Variants in GPR161 observed in about 807,000 individuals in gnomAD.
The protein encoded by GPR161 is G protein-coupled receptor 161.
GPR161 carries 25 observed loss-of-function variants against 39.2 expected under a neutral mutation model. That is an observed-to-expected ratio of 0.64 (90% CI 0.47 to 0.89). The LOEUF (loss-of-function observed/expected upper bound fraction) is 0.89. Ranked by LOEUF, GPR161 falls within the 40% of genes least tolerant of loss-of-function variation. The pLI is 0.00. For synonymous variants in GPR161, 286 were observed against 276.6 expected (o/e 1.03, Z -0.34); for missense variants, 547 against 677.8 (o/e 0.81, Z 2.14).
At position 168,131,107 on chromosome 1, in the gene GPR161, T is replaced by G. The variant is rs576504218; in HGVS notation, c.-45+5632A>C. ...CAGACATCCAATGCATCACTAGTTCTCAGTCAAAACTTCATCCTCACTGCC... is the reference window on the plus strand; with the variant it reads ...CAGACATCCAATGCATCACTAGTTCGCAGTCAAAACTTCATCCTCACTGCC... On this transcript the variant is annotated intron_variant, in intron 1 of 5. Transcript: ENST00000682931. Among the ~76,000 whole-genome samples the G allele has an allele frequency of 3.9e-5, 6 of 152,286 alleles. No homozygotes were observed. The South Asian group carries it at 1.2e-3, about 32-fold the overall frequency.
In GPR161 at chr1:168,096,551, T is replaced by C. The variant is rs1458261785; in HGVS notation, c.1056A>G (p.Arg352=). ...TGCTGAAGAGCCTGGAAGTCCTCTG[T>C]CGTTGCACAAATGGTTCCCGATAAT... is the stretch of plus-strand genomic sequence containing the variant. The part of the protein sequence containing the change: ...DRYYREPFVQ[R]QRTSRLFSIS... The change falls in exon 3 of 6, where the codon CGA becomes CGG. Residue 352 remains arginine (R), a synonymous_variant. Coordinates refer to ENST00000682931, the MANE Select transcript of GPR161 (RefSeq NM_001375883.1). The C allele has an allele frequency of 6.2e-7, 1 of 1,614,220 alleles. No homozygotes were observed. The highest frequency in any genetic ancestry group is 2.2e-5 in the East Asian group (1 of 44,888).
At chr1:168,130,292 T>C (rs1334624191) in intron 1 of GPR161, among the ~76,000 whole-genome samples, 1 of 152,210 alleles carries the variant, frequency 6.6e-6, no homozygotes, top group African/African-American at 2.4e-5. Flanking sequence ...ACATGACCTA[T>C]GCCTCGCCAA....
chr1:168,130,457 T>C (rs1698906297), intron 1 of GPR161, among the ~76,000 whole-genome samples: 1 of 151,998 alleles, frequency 6.6e-6, no homozygotes, highest in Non-Finnish European at 1.5e-5. Context: ...TGAAGAAAGG[T>C]CAAAACCAGT....
intron 1 of GPR161, among the ~76,000 whole-genome samples, chr1:168,105,368 T>G (rs1696509757): frequency 6.6e-6 from 1 of 152,188 alleles, no homozygotes; most frequent in South Asian, 2.1e-4. Flanking sequence ...CCCTGGCTAC[T>G]CAGGGTGGGC....
At chr1:168,092,953 C>A (rs139542631) in intron 3 of GPR161, among the ~76,000 whole-genome samples, 1 of 152,226 alleles carries the variant, frequency 6.6e-6, no homozygotes, top group South Asian at 2.1e-4. Context: ...CTGGGCCACC[C>A]TCCCTGGCTG....
chr1:168,089,035 A>G (rs1572242944), intron 4 of GPR161: 1 of 152,352 alleles, frequency 6.6e-6, no homozygotes, highest in East Asian at 1.9e-4. Context: ...ACTCATTTAA[A>G]GTATACAATT....
At chr1:168,119,193 A>C (rs1697880813) in intron 1 of GPR161, among the ~76,000 whole-genome samples, 1 of 104,170 alleles carries the variant, frequency 9.6e-6, no homozygotes, top group African/African-American at 4.1e-5. Flanking sequence ...CCAAATCTCC[A>C]TCATATATAT....
rs1572247292 is a variant in GPR161, at chr1:168,090,405, C to G, written c.1204+159G>C. On this transcript the variant is annotated intron_variant, in intron 4 of 5. Coordinates refer to ENST00000682931, the MANE Select transcript of GPR161 (RefSeq NM_001375883.1). ...ACACAGGAAAGCTGAAAAGTCAAAG[C>G]CACGACTGGAAACCCAGACTTATGA... The G allele has an allele frequency of 2.3e-5, 12 of 524,052 alleles. No individual in the cohort carries two copies. In the East Asian group the frequency reaches 3.7e-4, roughly 16 times the overall value. 32.5% of individuals were successfully genotyped at this position (524,052 alleles called of 1,614,324 possible).
intron 2 of GPR161, among the ~76,000 whole-genome samples, chr1:168,102,278 C>T (rs1304003793): frequency 6.6e-6 from 1 of 152,210 alleles, no homozygotes; most frequent in Non-Finnish European, 1.5e-5. Context: ...GTTTAGGAAC[C>T]TAGCTCAAAT....
chr1:168,116,526 G>A (rs914476376), intron 1 of GPR161, among the ~76,000 whole-genome samples: 5 of 152,288 alleles, frequency 3.3e-5, no homozygotes, highest in South Asian at 2.1e-4. Context: ...CTGTAACTGA[G>A]ATAAAGAAAG....
intron 1 of GPR161, among the ~76,000 whole-genome samples, chr1:168,122,232 ACTCCTGG>A (rs1698233888): frequency 6.6e-6 from 1 of 151,726 alleles, no homozygotes; most frequent in Admixed American, 6.6e-5. Context: ...CTACGGAGTC[ACTCCTGG>A]CTCCTCATTC....
intron 3 of GPR161, among the ~76,000 whole-genome samples, chr1:168,094,079 C>T (rs900664424): frequency 6.6e-6 from 1 of 152,212 alleles, no homozygotes; most frequent in Admixed American, 6.5e-5. Flanking sequence ...ATGTGCCAAA[C>T]CAACCACAGC....
intron 1 of GPR161, among the ~76,000 whole-genome samples, chr1:168,127,925 G>A (rs1204700109): frequency 6.6e-6 from 1 of 152,176 alleles, no homozygotes; most frequent in African/African-American, 2.4e-5. Flanking sequence ...AAGTGGAAGT[G>A]TCTTTGACTC....
intron 1 of GPR161, among the ~76,000 whole-genome samples, chr1:168,118,186 G>A (rs1279477573): frequency 6.6e-6 from 1 of 152,164 alleles, no homozygotes; most frequent in African/African-American, 2.4e-5. Flanking sequence ...ACTATCAACA[G>A]AGTAAAAAGA....
chr1:168,101,249 A>G (rs1322770445), intron 2 of GPR161, among the ~76,000 whole-genome samples: 1 of 151,994 alleles, frequency 6.6e-6, no homozygotes, highest in Non-Finnish European at 1.5e-5. Flanking sequence ...ATTTAGCATT[A>G]GGTATATCTC....
At chr1:168,100,895 C>A (rs909528605) in intron 2 of GPR161, among the ~76,000 whole-genome samples, 1 of 152,182 alleles carries the variant, frequency 6.6e-6, no homozygotes, top group Non-Finnish European at 1.5e-5. Flanking sequence ...TAGAGGTGAC[C>A]ACCATTACAG....
chr1:168,136,758 C>T lies in GPR161; in HGVS notation c.-64G>A. Reference sequence around the variant, plus strand: ...GCTCACCGAGGAGCGGCCGCCGCGGCAGCTCAGGCCCCGGCCCAGCCGCCT... The same window carrying T: ...GCTCACCGAGGAGCGGCCGCCGCGGTAGCTCAGGCCCCGGCCCAGCCGCCT... On this transcript the variant is annotated 5_prime_UTR_variant, in exon 1 of 6. Coordinates refer to ENST00000682931, the MANE Select transcript of GPR161 (RefSeq NM_001375883.1). 2.0e-6 allele frequency: 2 copies of T among 993,484 alleles called. No homozygotes were observed. Among genetic ancestry groups the T allele is most frequent in the Non-Finnish European group, 2.4e-6 (2 of 835,516 alleles). 61.5% of individuals were successfully genotyped at this position (993,484 alleles called of 1,614,324 possible). A position where few individuals can be genotyped will look rare whatever the true frequency, so the allele number is the denominator to read the frequency against.
intron 1 of GPR161, among the ~76,000 whole-genome samples, chr1:168,116,586 G>A (rs934148430): frequency 2.6e-5 from 4 of 152,182 alleles, no homozygotes; most frequent in African/African-American, 9.7e-5. Context: ...AGCTCGTTGA[G>A]AGGCAGAAAG....
At chr1:168,136,481 C>T (rs1038086251) in intron 1 of GPR161, 10 of 1,263,266 alleles carry the variant, frequency 7.9e-6, no homozygotes, top group Non-Finnish European at 1.0e-5. Flanking sequence ...CTCTCAGAAG[C>T]CCCAGGCCGC....
Sources: gnomAD v4.1 joint callset for allele counts (sites outside exome capture counted in the v4.1 genomes callset) on GRCh38, gnomAD v4.1.1 for gene constraint, MANE v1.5 for transcripts, NCBI Gene and HGNC (gene_info 2026-07-23, HGNC 2026-07-21) for gene names.